PAK1: variants seen among roughly 807,000 people sequenced by gnomAD.
The protein encoded by PAK1 is serine/threonine-protein kinase PAK 1.
In PAK1, 29 loss-of-function variants were observed where a neutral mutation model predicts 67.4. The observed-to-expected ratio is 0.43, with a 90% CI of 0.32 to 0.59. The LOEUF is 0.59. PAK1 is among the 20% of genes least tolerant of loss of function. PAK1 has a pLI of 0.07. For synonymous variants in PAK1, 223 were observed against 237.4 expected (o/e 0.94, Z 0.56); for missense variants, 337 against 670.7 (o/e 0.50, Z 5.50).
chr11:77,373,738 A>G (rs567474392), intron 5 of PAK1, among the ~76,000 whole-genome samples: 3 of 152,208 alleles, frequency 2.0e-5, no homozygotes, highest in East Asian at 3.8e-4. Flanking sequence ...CCAATTCTTC[A>G]TGATTTCTAT....
chr11:77,482,851 C>A, the PAK1 span, among the ~76,000 whole-genome samples: 1 of 151,990 alleles, frequency 6.6e-6, no homozygotes, highest in South Asian at 2.1e-4. Flanking sequence ...GCGATCCTCC[C>A]GACTTCAGAC....
intron 1 of PAK1, among the ~76,000 whole-genome samples, chr11:77,417,862 G>C (rs925490496): frequency 4.6e-5 from 7 of 151,730 alleles, no homozygotes; most frequent in Non-Finnish European, 1.0e-4. Context: ...AGCCTCCCGA[G>C]TAGCTGGGAT....
At chr11:77,481,813 G>T in the PAK1 span, among the ~76,000 whole-genome samples, 1 of 152,078 alleles carries the variant, frequency 6.6e-6, no homozygotes, top group East Asian at 1.9e-4. Context: ...ATTAGAACAT[G>T]TCTCTCCAGG....
chr11:77,491,759 G>A, the PAK1 span, among the ~76,000 whole-genome samples: 14 of 151,442 alleles, frequency 9.2e-5, no homozygotes, highest in African/African-American at 3.2e-4. Flanking sequence ...AACAAAGACA[G>A]GAAAGAAGGA....
At chr11:77,428,979 C>T (rs1053202854) in intron 1 of PAK1, among the ~76,000 whole-genome samples, 2 of 145,444 alleles carry the variant, frequency 1.4e-5, no homozygotes, top group Non-Finnish European at 3.0e-5. Context: ...TATGAGAAGG[C>T]CTGGGAGCAG....
intron 8 of PAK1, among the ~76,000 whole-genome samples, chr11:77,351,564 C>A (rs530307239): frequency 1.3e-5 from 2 of 152,142 alleles, no homozygotes; most frequent in African/African-American, 4.8e-5. Flanking sequence ...TTCAAACTCA[C>A]AAAAGTATGT....
At chr11:77,485,339 A>C in the PAK1 span, among the ~76,000 whole-genome samples, 1 of 152,210 alleles carries the variant, frequency 6.6e-6, no homozygotes, top group African/African-American at 2.4e-5. Flanking sequence ...TTTGTAACAT[A>C]AAGGACGAAT....
upstream of PAK1, chr11:77,475,650 G>A (rs778792317): frequency 2.0e-5 from 3 of 152,146 alleles, no homozygotes; most frequent in Non-Finnish European, 2.9e-5. Context: ...ATTGTACAAA[G>A]CTGAGCTCAA....
At chr11:77,329,863 A>T (rs548166418) in intron 14 of PAK1, among the ~76,000 whole-genome samples, 69 of 152,334 alleles carry the variant, frequency 4.5e-4, no homozygotes, top group Non-Finnish European at 8.2e-4. Context: ...TGCAGATGAC[A>T]TGATTGTATA....
At chr11:77,351,577 A>G (rs1435399225) in intron 8 of PAK1, among the ~76,000 whole-genome samples, 3 of 152,144 alleles carry the variant, frequency 2.0e-5, no homozygotes, top group Non-Finnish European at 4.4e-5. Context: ...AAGTATGTCT[A>G]TTTTGAAAAA....
chr11:77,325,314 G>T, intron 14 of PAK1: 1 of 1,613,806 alleles, frequency 6.2e-7, no homozygotes, highest in Non-Finnish European at 8.5e-7. Context: ...TGAAATCCTG[G>T]ATCTGCTACT....
intron 1 of PAK1, among the ~76,000 whole-genome samples, chr11:77,459,001 T>C (rs1210128305): frequency 1.3e-5 from 2 of 152,126 alleles, no homozygotes; most frequent in South Asian, 2.1e-4. Context: ...GGCATCCAAG[T>C]TGCATCTTGA....
At chr11:77,323,619 C>T (rs979903745) in intron 14 of PAK1, among the ~76,000 whole-genome samples, 1 of 152,110 alleles carries the variant, frequency 6.6e-6, no homozygotes, top group Admixed American at 6.6e-5. Context: ...TTTGTATAGC[C>T]ACCAAAAGAC....
the PAK1 span, among the ~76,000 whole-genome samples, chr11:77,513,947 C>T: frequency 6.6e-6 from 1 of 152,156 alleles, no homozygotes; most frequent in Non-Finnish European, 1.5e-5. Context: ...CACTTCATCT[C>T]ATTTGCTCCT....
the PAK1 span, among the ~76,000 whole-genome samples, chr11:77,480,521 GTTTTTTTTTT>G: frequency 8.2e-6 from 1 of 121,304 alleles, no homozygotes; most frequent in East Asian, 2.4e-4. Context: ...AACCACCATG[GTTTTTTTTTT>G]TTTTTTTTTT....
At chr11:77,500,983 A>T in the PAK1 span, among the ~76,000 whole-genome samples, 3 of 151,648 alleles carry the variant, frequency 2.0e-5, no homozygotes. Flanking sequence ...ATTTCCACCA[A>T]AAACCCAATC....
intron 1 of PAK1, among the ~76,000 whole-genome samples, chr11:77,470,674 G>T (rs1957809846): frequency 6.6e-6 from 1 of 152,172 alleles, no homozygotes; most frequent in African/African-American, 2.4e-5. Context: ...GCCCTATATA[G>T]CTTTAAGTAT....
intron 1 of PAK1, among the ~76,000 whole-genome samples, chr11:77,460,544 C>G (rs1182875468): frequency 7.0e-6 from 1 of 142,750 alleles, no homozygotes; most frequent in Non-Finnish European, 1.6e-5. Context: ...CATGGGATCC[C>G]AGGAGCACTT....
chr11:77,504,631 C>T, the PAK1 span, among the ~76,000 whole-genome samples: 4 of 152,128 alleles, frequency 2.6e-5, no homozygotes, highest in Non-Finnish European at 5.9e-5. Flanking sequence ...CTGAAAAAGA[C>T]AAATAATACC....
Sources: gnomAD v4.1 joint callset for allele counts (sites outside exome capture counted in the v4.1 genomes callset) on GRCh38, gnomAD v4.1.1 for gene constraint, MANE v1.5 for transcripts, NCBI Gene and HGNC (gene_info 2026-07-23, HGNC 2026-07-21) for gene names.